The following STEAP1B variants were observed in gnomAD, a reference collection of about 807,000 sequenced individuals.
The protein encoded by STEAP1B is STEAP family member 1B.
A neutral mutation model predicts 27.9 loss-of-function variants in STEAP1B; 13 were observed. The ratio of observed to expected loss-of-function variants is 0.47; its 90% CI spans 0.30 to 0.74. The LOEUF (loss-of-function observed/expected upper bound fraction) is 0.74, where lower values mean the gene tolerates loss of function less well. Ranked by LOEUF, STEAP1B falls within the 30% of genes least tolerant of loss-of-function variation. The pLI is 0.06. For synonymous variants in STEAP1B, 86 were observed against 107.1 expected, an observed-to-expected ratio of 0.80 and a Z score of 1.22; for missense variants, 250 against 298.7, an observed-to-expected ratio of 0.84 and a Z score of 1.20.
intron 1 of STEAP1B, among the ~76,000 whole-genome samples, chr7:22,496,690 A>G (rs1053991168): frequency 2.0e-5 from 3 of 152,222 alleles, no homozygotes; most frequent in African/African-American, 4.8e-5. Flanking sequence ...GCAAGAGACT[A>G]TACCATCTAG....
intron 4 of STEAP1B, among the ~76,000 whole-genome samples, chr7:22,420,250 G>C (rs886950415): frequency 1.3e-5 from 2 of 152,206 alleles, no homozygotes; most frequent in Non-Finnish European, 2.9e-5. Context: ...AGTAGGCACA[G>C]TAAAAGAAAG....
chr7:22,496,624 T>G (rs535884821), intron 1 of STEAP1B, among the ~76,000 whole-genome samples: 35 of 152,354 alleles, frequency 2.3e-4, no homozygotes, highest in African/African-American at 8.4e-4. Context: ...CTATTGTGTT[T>G]CAACTGCCCA....
At chr7:22,454,838 T>TATAAATATAA (rs1231476251) in intron 4 of STEAP1B, among the ~76,000 whole-genome samples, 42 of 115,740 alleles carry the variant, frequency 3.6e-4, no homozygotes, top group East Asian at 1.5e-3. Flanking sequence ...TATATATATA[T>TATAAATATAA]ATATATATAT....
intron 4 of STEAP1B, among the ~76,000 whole-genome samples, chr7:22,448,006 G>A (rs572062980): frequency 7.9e-5 from 12 of 152,354 alleles, no homozygotes; most frequent in Non-Finnish European, 1.3e-4. Flanking sequence ...CTTGCTTTCA[G>A]TTGTATTTAC....
intron 4 of STEAP1B, among the ~76,000 whole-genome samples, chr7:22,469,437 T>C (rs866146069): frequency 3.3e-5 from 5 of 152,216 alleles, no homozygotes; most frequent in South Asian, 2.1e-4. Flanking sequence ...TTATGCAGTC[T>C]ATATTAGTGT....
intron 4 of STEAP1B, among the ~76,000 whole-genome samples, chr7:22,447,572 C>T (rs35466391): frequency 0.1 from 15,772 of 152,158 alleles, 1,073 homozygotes; most frequent in East Asian, 0.31. Flanking sequence ...ATTTGTAGGG[C>T]AAAGCTGACA....
chr7:22,427,703 G>C (rs191294475), intron 4 of STEAP1B, among the ~76,000 whole-genome samples: 1 of 152,276 alleles, frequency 6.6e-6, no homozygotes, highest in Admixed American at 6.5e-5. Flanking sequence ...TAAGCAAGTA[G>C]AAGGCAGGAA....
intron 4 of STEAP1B, among the ~76,000 whole-genome samples, chr7:22,430,084 G>A (rs953242148): frequency 1.3e-5 from 2 of 152,244 alleles, no homozygotes; most frequent in African/African-American, 4.8e-5. Flanking sequence ...AACTGGTTGT[G>A]GATATGTGGG....
At chr7:22,422,715 G>A (rs1785059756) in intron 4 of STEAP1B, among the ~76,000 whole-genome samples, 1 of 152,064 alleles carries the variant, frequency 6.6e-6, no homozygotes, top group Non-Finnish European at 1.5e-5. Flanking sequence ...GGTTGGTCTC[G>A]AACTCCTGAC....
chr7:22,471,216 C>T (rs554097566), intron 4 of STEAP1B, among the ~76,000 whole-genome samples: 16 of 152,276 alleles, frequency 1.1e-4, no homozygotes, highest in South Asian at 4.2e-4. Context: ...CAAGGGAAAA[C>T]GAGCTCCCTA....
chr7:22,446,630 T>A (rs1325327374), intron 4 of STEAP1B, among the ~76,000 whole-genome samples: 1 of 152,230 alleles, frequency 6.6e-6, no homozygotes, highest in Non-Finnish European at 1.5e-5. Context: ...GACACTTCCA[T>A]TGGAATATGA....
At chr7:22,441,755 T>C (rs2528853) in intron 4 of STEAP1B, among the ~76,000 whole-genome samples, 128,578 of 151,800 alleles carry the variant, frequency 0.85, 54,550 homozygotes, top group South Asian at 0.89. Flanking sequence ...ACCAAATGTT[T>C]TTTAGTAATC....
chr7:22,426,391 A>C (rs1358939899), intron 4 of STEAP1B, among the ~76,000 whole-genome samples: 1 of 152,240 alleles, frequency 6.6e-6, no homozygotes, highest in Admixed American at 6.5e-5. Context: ...AAAATGTTAA[A>C]GGCAAGGTAG....
At chr7:22,485,409 A>C (rs756011415) in intron 4 of STEAP1B, among the ~76,000 whole-genome samples, 86 of 152,350 alleles carry the variant, frequency 5.6e-4, no homozygotes, top group Non-Finnish European at 9.4e-4. Flanking sequence ...TTTTAGCAAT[A>C]AAGTATTTTA....
intron 4 of STEAP1B, among the ~76,000 whole-genome samples, chr7:22,476,679 A>G (rs1785977708): frequency 6.6e-6 from 1 of 152,174 alleles, no homozygotes; most frequent in Non-Finnish European, 1.5e-5. Flanking sequence ...TCTGCCATAC[A>G]GGGTCATTCT....
intron 4 of STEAP1B, among the ~76,000 whole-genome samples, chr7:22,448,154 C>T (rs1240567975): frequency 6.6e-6 from 1 of 152,162 alleles, no homozygotes; most frequent in East Asian, 1.9e-4. Context: ...CCTACATATC[C>T]TCTTGAACCT....
At chr7:22,455,747 A>G (rs1785567793) in intron 4 of STEAP1B, among the ~76,000 whole-genome samples, 1 of 152,226 alleles carries the variant, frequency 6.6e-6, no homozygotes, top group Admixed American at 6.5e-5. Flanking sequence ...TCACATATCA[A>G]TGGTCACCAA....
chr7:22,430,573 C>T (rs957441155), intron 4 of STEAP1B, among the ~76,000 whole-genome samples: 1 of 152,208 alleles, frequency 6.6e-6, no homozygotes, highest in Non-Finnish European at 1.5e-5. Context: ...TTTCGCTCCA[C>T]CCTGCAGCTG....
intron 4 of STEAP1B, among the ~76,000 whole-genome samples, chr7:22,446,934 T>C (rs1583635691): frequency 1.3e-5 from 2 of 152,198 alleles, no homozygotes; most frequent in African/African-American, 2.4e-5. Context: ...CTCTACAATA[T>C]TTTTTAGTTT....
Sources: gnomAD v4.1 joint callset for allele counts (sites outside exome capture counted in the v4.1 genomes callset) on GRCh38, gnomAD v4.1.1 for gene constraint, MANE v1.5 for transcripts, NCBI Gene and HGNC (gene_info 2026-07-23, HGNC 2026-07-21) for gene names.